CCSER1: variants seen among roughly 807,000 people sequenced by gnomAD.
The protein encoded by CCSER1 is serine-rich coiled-coil domain-containing protein 1.
A neutral mutation model predicts 82.0 loss-of-function variants in CCSER1; 41 were observed. That is an observed-to-expected ratio of 0.50 (90% confidence interval 0.39 to 0.65). The LOEUF (loss-of-function observed/expected upper bound fraction) is 0.65. Ranked by LOEUF, CCSER1 falls within the 30% of genes least tolerant of loss-of-function variation. The pLI is 0.00. For missense variants in CCSER1, 1,119 were observed against 1,064.2 expected (o/e 1.05, Z -0.72); for synonymous variants, 414 against 383.9 (o/e 1.08, Z -0.92).
At chr4:91,036,250 G>A (rs1030820662) in intron 9 of CCSER1, among the ~76,000 whole-genome samples, 1 of 152,148 alleles carries the variant, frequency 6.6e-6, no homozygotes, top group Non-Finnish European at 1.5e-5. Flanking sequence ...TACTTGGCAT[G>A]AAACAGTATT....
intron 4 of CCSER1, among the ~76,000 whole-genome samples, chr4:90,425,312 G>A (rs1291026797): frequency 6.6e-6 from 1 of 151,204 alleles, no homozygotes; most frequent in Admixed American, 6.6e-5. Context: ...ATGAAGGAGA[G>A]AGAGAGAGAG....
At chr4:91,296,486 T>TATATATATATATATATATA (rs1578139948) in intron 10 of CCSER1, among the ~76,000 whole-genome samples, 1 of 140,544 alleles carries the variant, frequency 7.1e-6, no homozygotes, top group Admixed American at 7.1e-5. Context: ...TATATATATA[T>TATATATATATATATATATA]TTTAATTAAA....
At position 90,308,666 on chromosome 4, in the gene CCSER1, A is replaced by C; in HGVS notation, c.382A>C (p.Thr128Pro). The C allele has an allele frequency of 6.2e-7, 1 of 1,613,676 alleles. No individual in the cohort carries two copies. ...GFSSSRNKKI[T>P]RSLTEDFERE... is the part of the protein sequence containing the mutation. Reference sequence around the variant, plus strand: ...TAGTAGTTCACGAAATAAGAAGATAACAAGATCTTTGACAGAGGATTTTGA... The same window carrying C: ...TAGTAGTTCACGAAATAAGAAGATACCAAGATCTTTGACAGAGGATTTTGA... Residue 128 changes from threonine to proline, a missense_variant, in exon 2 of 11, where the codon ACA (threonine) becomes CCA (proline). Thr to Pro is a conservative substitution (Grantham distance 38). Transcript: ENST00000509176.
At chr4:90,889,692 C>G (rs970834963) in intron 8 of CCSER1, among the ~76,000 whole-genome samples, 9 of 152,136 alleles carry the variant, frequency 5.9e-5, no homozygotes, top group African/African-American at 1.9e-4. Flanking sequence ...TATTATTCAG[C>G]CTTAAGAAAG....
intron 10 of CCSER1, among the ~76,000 whole-genome samples, chr4:91,254,418 C>T (rs567588251): frequency 2.9e-4 from 44 of 152,250 alleles, no homozygotes; most frequent in African/African-American, 8.2e-4. Flanking sequence ...ATCTAGACAA[C>T]ATCATGCTAT....
At chr4:90,894,041 AG>A (rs1723347084) in intron 8 of CCSER1, among the ~76,000 whole-genome samples, 1 of 152,060 alleles carries the variant, frequency 6.6e-6, no homozygotes, top group African/African-American at 2.4e-5. Flanking sequence ...GTTCTGAAAT[AG>A]GGCCTTATAA....
intron 9 of CCSER1, among the ~76,000 whole-genome samples, chr4:91,020,519 G>A (rs1283699252): frequency 9.9e-5 from 15 of 152,028 alleles, no homozygotes; most frequent in African/African-American, 1.7e-4. Flanking sequence ...AAAATTAGCC[G>A]GGTGTGGTGG....
At chr4:90,508,082 T>G (rs1312063557) in intron 5 of CCSER1, among the ~76,000 whole-genome samples, 1 of 152,060 alleles carries the variant, frequency 6.6e-6, no homozygotes, top group African/African-American at 2.4e-5. Flanking sequence ...ATTGTGTGGT[T>G]TTAGGTTAAA....
chr4:91,324,462 G>A (rs1006004840), intron 10 of CCSER1, among the ~76,000 whole-genome samples: 3 of 151,470 alleles, frequency 2.0e-5, no homozygotes, highest in African/African-American at 7.3e-5. Flanking sequence ...TGAAAATGTT[G>A]GATCTTTTAA....
intron 6 of CCSER1, among the ~76,000 whole-genome samples, chr4:90,690,071 C>T (rs542225234): frequency 6.6e-6 from 1 of 152,204 alleles, no homozygotes; most frequent in Admixed American, 6.6e-5. Context: ...GTAGTCACTG[C>T]TGGTGCTCCA....
intron 3 of CCSER1, among the ~76,000 whole-genome samples, chr4:90,332,416 A>G (rs1329965890): frequency 1.3e-5 from 2 of 152,032 alleles, no homozygotes; most frequent in Non-Finnish European, 2.9e-5. Context: ...TTGTATTTTT[A>G]GTAGAGACGG....
chr4:90,861,967 A>T (rs947376667), intron 8 of CCSER1, among the ~76,000 whole-genome samples: 2 of 146,738 alleles, frequency 1.4e-5, no homozygotes, highest in Admixed American at 1.4e-4. Context: ...GCTCAGTGAT[A>T]TTGGTGGGAT....
At chr4:90,182,964 AT>A (rs1165933013) in intron 1 of CCSER1, among the ~76,000 whole-genome samples, 1 of 152,038 alleles carries the variant, frequency 6.6e-6, no homozygotes, top group Non-Finnish European at 1.5e-5. Flanking sequence ...AAGGACATCC[AT>A]TTGTAATTAC....
intron 3 of CCSER1, among the ~76,000 whole-genome samples, chr4:90,346,235 A>G (rs1442032340): frequency 6.6e-6 from 1 of 152,096 alleles, no homozygotes; most frequent in Non-Finnish European, 1.5e-5. Flanking sequence ...TATTTCTTGC[A>G]TAAATATAAA....
intron 1 of CCSER1, among the ~76,000 whole-genome samples, chr4:90,187,104 C>G (rs971903951): frequency 6.6e-6 from 1 of 151,792 alleles, no homozygotes; most frequent in Non-Finnish European, 1.5e-5. Flanking sequence ...TTTTTAGAAT[C>G]CTAACCTTAT....
intron 7 of CCSER1, among the ~76,000 whole-genome samples, chr4:90,805,388 A>G (rs958138399): frequency 1.3e-5 from 2 of 152,160 alleles, no homozygotes; most frequent in African/African-American, 4.8e-5. Flanking sequence ...CTGTCAGTGG[A>G]AGCGCCATGT....
At chr4:90,207,573 C>T (rs898603518) in intron 1 of CCSER1, among the ~76,000 whole-genome samples, 4 of 152,080 alleles carry the variant, frequency 2.6e-5, no homozygotes, top group South Asian at 2.1e-4. Context: ...GGAGACAAGG[C>T]GTTCTGGTTT....
intron 10 of CCSER1, among the ~76,000 whole-genome samples, chr4:91,460,446 T>G (rs946025116): frequency 2.0e-5 from 3 of 152,120 alleles, no homozygotes; most frequent in Non-Finnish European, 4.4e-5. Context: ...GTCCGATGGC[T>G]CTAACGATAT....
At chr4:90,776,258 G>A (rs996012833) in intron 7 of CCSER1, among the ~76,000 whole-genome samples, 1 of 152,116 alleles carries the variant, frequency 6.6e-6, no homozygotes, top group Admixed American at 6.5e-5. Flanking sequence ...CTTACTTTTT[G>A]TTTTGACAAA....
Sources: gnomAD v4.1 joint callset for allele counts (sites outside exome capture counted in the v4.1 genomes callset) on GRCh38, gnomAD v4.1.1 for gene constraint, MANE v1.5 for transcripts, NCBI Gene and HGNC (gene_info 2026-07-23, HGNC 2026-07-21) for gene names.